The following STPG2 variants were observed in gnomAD, a reference collection of about 807,000 sequenced individuals.
STPG2 encodes sperm tail PG-rich repeat containing 2.
STPG2 carries 56 observed loss-of-function variants against 54.2 expected under a neutral mutation model. That is an observed-to-expected ratio of 1.03 (90% CI 0.83 to 1.29). The LOEUF (loss-of-function observed/expected upper bound fraction) is 1.29, where lower values mean the gene tolerates loss of function less well. Among genes scored for constraint, STPG2 ranks in the 50% most tolerant of loss-of-function variants. The pLI, the probability that STPG2 is intolerant of heterozygous loss-of-function variation, is 0.00. For missense variants in STPG2, 596 were observed against 544.9 expected, an observed-to-expected ratio of 1.09 and a Z score of -0.93; for synonymous variants, 200 against 181.8, an observed-to-expected ratio of 1.10 and a Z score of -0.81.
intron 10 of STPG2, among the ~76,000 whole-genome samples, chr4:97,635,405 A>T (rs1177304395): frequency 1.3e-5 from 2 of 152,226 alleles, no homozygotes; most frequent in Non-Finnish European, 2.9e-5. Flanking sequence ...TGTAAAGACC[A>T]TTGAGACTAG....
At chr4:97,795,971 T>C (rs1323545880) in intron 9 of STPG2, among the ~76,000 whole-genome samples, 1 of 152,250 alleles carries the variant, frequency 6.6e-6, no homozygotes, top group Non-Finnish European at 1.5e-5. Flanking sequence ...CATTTTTTCA[T>C]GTGTCTGTTG....
At chr4:97,924,979 TTTG>T (rs1006914262) in intron 8 of STPG2, among the ~76,000 whole-genome samples, 7 of 152,236 alleles carry the variant, frequency 4.6e-5, no homozygotes, top group African/African-American at 1.4e-4. Context: ...ATATGAATCA[TTTG>T]TTGTTGTTCA....
intron 8 of STPG2, among the ~76,000 whole-genome samples, chr4:97,849,108 G>T (rs568943794): frequency 6.6e-6 from 1 of 150,948 alleles, no homozygotes; most frequent in African/African-American, 2.4e-5. Context: ...CCATTTTCAC[G>T]ATATTGATTC....
At chr4:97,780,883 C>T (rs1423827224) in intron 9 of STPG2, among the ~76,000 whole-genome samples, 13 of 151,878 alleles carry the variant, frequency 8.6e-5, no homozygotes, top group South Asian at 4.2e-4. Context: ...TTGAAACCAA[C>T]GAGAACAAAG....
chr4:97,771,478 G>A (rs994202049), intron 9 of STPG2, among the ~76,000 whole-genome samples: 1 of 152,114 alleles, frequency 6.6e-6, no homozygotes, highest in Non-Finnish European at 1.5e-5. Flanking sequence ...CCAGACCAGA[G>A]CTGGTCTGTA....
intron 8 of STPG2, among the ~76,000 whole-genome samples, chr4:97,888,232 G>C (rs1730651516): frequency 6.6e-6 from 1 of 152,200 alleles, no homozygotes; most frequent in African/African-American, 2.4e-5. Context: ...TGTGATAAGA[G>C]GGCCACCATC....
chr4:98,115,970 G>A (rs925406659), intron 3 of STPG2, among the ~76,000 whole-genome samples: 2 of 120,078 alleles, frequency 1.7e-5, no homozygotes, highest in African/African-American at 3.3e-5. Context: ...AGAAAACTAC[G>A]TTTTTATATG....
chr4:97,481,518 G>T (rs1730220128), intron 4 of STPG2, among the ~76,000 whole-genome samples: 1 of 151,420 alleles, frequency 6.6e-6, no homozygotes, highest in Admixed American at 6.6e-5. Flanking sequence ...GAATGTTAAA[G>T]ATTTTCTCAC....
At position 97,625,513 on chromosome 4, in the gene STPG2, C is replaced by T. The variant is rs546094566; in HGVS notation, c.1321-66396G>A. Among the ~76,000 whole-genome samples, 22 of 152,236 alleles carry T rather than the reference C, an allele frequency of 1.4e-4. No individual in the cohort carries two copies. In the South Asian group the frequency reaches 4.6e-3, roughly 32 times the overall value. Reference sequence around the variant, plus strand: ...TCTTTTTAGTAGAGACAGGGTTTCACCATATTGGTCAGGCTGGTCTTGAAC... The same window carrying T: ...TCTTTTTAGTAGAGACAGGGTTTCATCATATTGGTCAGGCTGGTCTTGAAC... On this transcript the variant is annotated intron_variant, in intron 10 of 10. Transcript: ENST00000295268.
At chr4:97,635,297 T>C (rs1180136406) in intron 10 of STPG2, among the ~76,000 whole-genome samples, 1 of 151,926 alleles carries the variant, frequency 6.6e-6, no homozygotes, top group Admixed American at 6.6e-5. Context: ...GGCTGAGAGA[T>C]TTTGTCACCA....
chr4:97,481,733 T>C (rs1369872312), intron 4 of STPG2, among the ~76,000 whole-genome samples: 1 of 151,646 alleles, frequency 6.6e-6, no homozygotes, highest in Non-Finnish European at 1.5e-5. Context: ...TTAATTCTAG[T>C]GTCTTTTTTG....
intron 7 of STPG2, among the ~76,000 whole-genome samples, chr4:97,957,544 C>T (rs2149245346): frequency 6.6e-6 from 1 of 152,188 alleles, no homozygotes. Context: ...AAGACCTAGA[C>T]ATCCAAATAC....
At chr4:97,459,682 C>T (rs1233572334) in intron 4 of STPG2, among the ~76,000 whole-genome samples, 1 of 152,068 alleles carries the variant, frequency 6.6e-6, no homozygotes, top group Non-Finnish European at 1.5e-5. Flanking sequence ...ACCTCGTGAT[C>T]CGCCTGCCTC....
chr4:97,967,772 C>T (rs912444693), intron 7 of STPG2, among the ~76,000 whole-genome samples: 2 of 152,082 alleles, frequency 1.3e-5, no homozygotes, highest in African/African-American at 4.8e-5. Flanking sequence ...GGGTACATAA[C>T]AAAATGAAGG....
intron 4 of STPG2, among the ~76,000 whole-genome samples, chr4:97,540,804 G>T (rs1445890278): frequency 2.0e-5 from 3 of 152,164 alleles, no homozygotes; most frequent in African/African-American, 7.2e-5. Flanking sequence ...GGGATGGAAG[G>T]CTGGTTCAAC....
intron 10 of STPG2, among the ~76,000 whole-genome samples, chr4:97,568,204 A>G (rs1199582276): frequency 6.6e-6 from 1 of 152,228 alleles, no homozygotes; most frequent in Admixed American, 6.5e-5. Context: ...AAACATAAAC[A>G]AATTTTGAAC....
intron 5 of STPG2, among the ~76,000 whole-genome samples, chr4:98,045,122 C>A (rs1737085844): frequency 6.6e-6 from 1 of 150,940 alleles, no homozygotes; most frequent in Admixed American, 6.6e-5. Context: ...AAAGGAAAAA[C>A]AACACCCCAT....
intron 9 of STPG2, among the ~76,000 whole-genome samples, chr4:97,795,896 C>G (rs549119060): frequency 1.0e-3 from 157 of 152,176 alleles, no homozygotes; most frequent in African/African-American, 3.6e-3. Flanking sequence ...ACCATTCTAA[C>G]TGGTGTGAGA....
At chr4:98,047,430 G>C (rs1005471149) in intron 5 of STPG2, among the ~76,000 whole-genome samples, 2 of 151,750 alleles carry the variant, frequency 1.3e-5, no homozygotes, top group Non-Finnish European at 2.9e-5. Context: ...GCAGCAGCTT[G>C]GAAATTGTGC....
Sources: gnomAD v4.1 joint callset for allele counts (sites outside exome capture counted in the v4.1 genomes callset) on GRCh38, gnomAD v4.1.1 for gene constraint, MANE v1.5 for transcripts, NCBI Gene and HGNC (gene_info 2026-07-23, HGNC 2026-07-21) for gene names.